CNTN5: variants seen among roughly 807,000 people sequenced by gnomAD.
CNTN5 encodes the protein contactin 5.
A neutral mutation model predicts 129.1 loss-of-function variants in CNTN5; 77 were observed. The ratio of observed to expected loss-of-function variants is 0.60; its 90% CI spans 0.50 to 0.72. The LOEUF is 0.72. Among genes scored for constraint, CNTN5 ranks in the 30% least tolerant of loss-of-function variants. The pLI is 0.00. For synonymous variants in CNTN5, 509 were observed against 465.6 expected, an observed-to-expected ratio of 1.09 and a Z score of -1.20; for missense variants, 1,478 against 1,328.8, an observed-to-expected ratio of 1.11 and a Z score of -1.75.
intron 6 of CNTN5, among the ~76,000 whole-genome samples, chr11:99,878,183 G>A (rs1463813342): frequency 6.6e-6 from 1 of 152,240 alleles, no homozygotes; most frequent in South Asian, 2.1e-4. Flanking sequence ...TTAGATCTAG[G>A]AAATTAAGTC....
chr11:100,064,351 T>C (rs1398003438), intron 10 of CNTN5, among the ~76,000 whole-genome samples: 1 of 152,150 alleles, frequency 6.6e-6, no homozygotes, highest in African/African-American at 2.4e-5. Context: ...ATATAGATAG[T>C]ACACATAAGT....
intron 1 of CNTN5, among the ~76,000 whole-genome samples, chr11:99,208,818 C>T (rs1480757739): frequency 6.6e-6 from 1 of 151,940 alleles, no homozygotes; most frequent in Non-Finnish European, 1.5e-5. Flanking sequence ...TAAAAAAATG[C>T]AATTCCTTAT....
chr11:99,947,443 T>C (rs1950577654), intron 7 of CNTN5, among the ~76,000 whole-genome samples: 1 of 152,090 alleles, frequency 6.6e-6, no homozygotes, highest in Non-Finnish European at 1.5e-5. Context: ...GTATCCACTA[T>C]TTCTTCATGG....
At chr11:100,171,477 A>T (rs1398376883) in intron 13 of CNTN5, among the ~76,000 whole-genome samples, 1 of 152,048 alleles carries the variant, frequency 6.6e-6, no homozygotes, top group Non-Finnish European at 1.5e-5. Context: ...GCATTAAGAA[A>T]TACTGTCAGG....
At chr11:99,615,281 C>G (rs1950724671) in intron 3 of CNTN5, among the ~76,000 whole-genome samples, 1 of 151,826 alleles carries the variant, frequency 6.6e-6, no homozygotes, top group Admixed American at 6.6e-5. Flanking sequence ...GTACTTTTGG[C>G]TTTTGGACTT....
chr11:99,949,546 T>C (rs932060904), intron 7 of CNTN5, among the ~76,000 whole-genome samples: 2 of 152,148 alleles, frequency 1.3e-5, no homozygotes, highest in Admixed American at 6.5e-5. Flanking sequence ...TAGGTTGAGA[T>C]CGTTCCGCTG....
chr11:99,623,211 T>C (rs1951011935), intron 3 of CNTN5, among the ~76,000 whole-genome samples: 1 of 152,102 alleles, frequency 6.6e-6, no homozygotes, highest in Non-Finnish European at 1.5e-5. Flanking sequence ...TCTTTTCAGC[T>C]GTAGGTGATA....
At chr11:99,287,203 G>C (rs1156923009) in intron 1 of CNTN5, among the ~76,000 whole-genome samples, 2 of 152,232 alleles carry the variant, frequency 1.3e-5, no homozygotes, top group African/African-American at 4.8e-5. Context: ...GGTTGAACTT[G>C]TTGACATTCA....
chr11:100,201,597 T>C (rs549107135), intron 15 of CNTN5, among the ~76,000 whole-genome samples: 120 of 152,020 alleles, frequency 7.9e-4, no homozygotes, highest in Non-Finnish European at 1.5e-3. Flanking sequence ...ATCTTGATAA[T>C]TTTTCAATAT....
chr11:99,122,512 A>G (rs184755264), intron 1 of CNTN5, among the ~76,000 whole-genome samples: 5 of 152,174 alleles, frequency 3.3e-5, no homozygotes, highest in Non-Finnish European at 7.4e-5. Context: ...TTGTAAAGTT[A>G]ATTTTTTTAT....
intron 3 of CNTN5, among the ~76,000 whole-genome samples, chr11:99,761,620 A>G (rs1281526206): frequency 6.6e-6 from 1 of 152,106 alleles, no homozygotes; most frequent in Non-Finnish European, 1.5e-5. Context: ...GCTGCATAGT[A>G]TTCCATGGTG....
intron 3 of CNTN5, among the ~76,000 whole-genome samples, chr11:99,810,111 A>G (rs1946386059): frequency 1.3e-5 from 2 of 152,162 alleles, no homozygotes. Flanking sequence ...GCCATGAAAA[A>G]ATACAAAACA....
intron 18 of CNTN5, among the ~76,000 whole-genome samples, chr11:100,278,515 G>C (rs1158716489): frequency 1.3e-5 from 2 of 151,798 alleles, no homozygotes; most frequent in African/African-American, 2.4e-5. Flanking sequence ...TCATTATAGA[G>C]ATATTTCATT....
chr11:99,609,109 T>C (rs531229227), intron 3 of CNTN5, among the ~76,000 whole-genome samples: 1 of 152,274 alleles, frequency 6.6e-6, no homozygotes, highest in African/African-American at 2.4e-5. Context: ...CCATATAGCT[T>C]AGAATGGATG....
intron 1 of CNTN5, among the ~76,000 whole-genome samples, chr11:99,316,849 T>C (rs1396135430): frequency 6.6e-6 from 1 of 152,002 alleles, no homozygotes; most frequent in Non-Finnish European, 1.5e-5. Context: ...GAGCCGTGTA[T>C]AAAGAAATGA....
At chr11:99,652,756 A>G (rs1332153431) in intron 3 of CNTN5, among the ~76,000 whole-genome samples, 1 of 152,102 alleles carries the variant, frequency 6.6e-6, no homozygotes, top group Non-Finnish European at 1.5e-5. Context: ...ACACTATTAT[A>G]TAATCATTAT....
intron 7 of CNTN5, among the ~76,000 whole-genome samples, chr11:99,951,634 A>G (rs916998833): frequency 6.6e-6 from 1 of 152,178 alleles, no homozygotes; most frequent in Admixed American, 6.5e-5. Context: ...ACCTAGTAGA[A>G]TAAATCATGA....
In CNTN5 at chr11:100,147,841, A is replaced by ACAAT. The variant is rs536946333; in HGVS notation, c.1581-43282_1581-43279dup. Among the ~76,000 whole-genome samples the ACAAT allele has an allele frequency of 2.6e-5, 4 of 152,310 alleles. No homozygotes were observed. The South Asian group carries it at 8.3e-4, about 32-fold the overall frequency. On this transcript the variant is annotated intron_variant, in intron 13 of 24. Coordinates refer to ENST00000524871, the MANE Select transcript of CNTN5 (RefSeq NM_014361.4). ...GGATACAGGAAGCCTTGCCAGGATT[A>ACAAT]CAATCAGGTTTTCTATAAATAAAAC...
At chr11:99,963,062 T>C (rs1195666502) in intron 8 of CNTN5, among the ~76,000 whole-genome samples, 1 of 152,186 alleles carries the variant, frequency 6.6e-6, no homozygotes, top group Non-Finnish European at 1.5e-5. Context: ...ATATTAGCCC[T>C]TTGTCAGATG....
Sources: gnomAD v4.1 joint callset for allele counts (sites outside exome capture counted in the v4.1 genomes callset) on GRCh38, gnomAD v4.1.1 for gene constraint, MANE v1.5 for transcripts, NCBI Gene and HGNC (gene_info 2026-07-23, HGNC 2026-07-21) for gene names.